Variants in GAB1 observed in about 807,000 individuals in gnomAD.
The protein encoded by GAB1 is GRB2-associated-binding protein 1.
In GAB1, 19 loss-of-function variants were observed where a neutral mutation model predicts 66.5. The observed-to-expected ratio is 0.29, with a 90% CI of 0.20 to 0.42. The LOEUF (loss-of-function observed/expected upper bound fraction) is 0.42. GAB1 is among the 10% of genes least tolerant of loss of function. GAB1 has a pLI of 1.00. For synonymous variants in GAB1, 294 were observed against 301.4 expected, an observed-to-expected ratio of 0.98 and a Z score of 0.25; for missense variants, 732 against 858.5, an observed-to-expected ratio of 0.85 and a Z score of 1.84.
intron 1 of GAB1, among the ~76,000 whole-genome samples, chr4:143,381,179 C>A (rs898672452): frequency 6.6e-6 from 1 of 152,176 alleles, no homozygotes; most frequent in South Asian, 2.1e-4. Context: ...AAGCAAGTTA[C>A]TGAAACCTTC....
intron 2 of GAB1, among the ~76,000 whole-genome samples, chr4:143,432,825 G>A (rs1035294060): frequency 2.6e-5 from 4 of 152,072 alleles, no homozygotes; most frequent in African/African-American, 9.7e-5. Flanking sequence ...ATAGTTAAGG[G>A]AATAATAAAT....
chr4:143,419,358 C>T (rs1020704527), intron 2 of GAB1, among the ~76,000 whole-genome samples: 23 of 152,036 alleles, frequency 1.5e-4, no homozygotes, highest in African/African-American at 5.3e-4. Flanking sequence ...CATAAGCGCT[C>T]TGCTAAAGAA....
intron 1 of GAB1, among the ~76,000 whole-genome samples, chr4:143,342,764 T>C (rs531531218): frequency 5.9e-5 from 9 of 151,776 alleles, no homozygotes; most frequent in African/African-American, 2.2e-4. Context: ...GGTTTTGCCA[T>C]GTTGGCCAGG....
intron 2 of GAB1, among the ~76,000 whole-genome samples, chr4:143,428,649 G>A (rs1042056979): frequency 1.3e-5 from 2 of 151,976 alleles, no homozygotes; most frequent in African/African-American, 4.8e-5. Context: ...GAATAAGCAG[G>A]GTAAGTTTAA....
chr4:143,413,925 G>A lies in GAB1; in HGVS notation c.73-1552G>A, dbSNP rs530807735. On this transcript the variant is annotated intron_variant, in intron 1 of 9. Coordinates refer to ENST00000262994, the MANE Select transcript of GAB1 (RefSeq NM_002039.4). ...GCAACTGCCAACTCCGGGTTCAAGC[G>A]ATTCTCCTGCCTCAGCCTCCTAAGT... Among the ~76,000 whole-genome samples, 150 of 146,876 alleles carry A rather than the reference G, an allele frequency of 1.0e-3. 1 individual carries two copies. Among genetic ancestry groups the A allele is most frequent in the African/African-American group, 3.7e-3 (144 of 39,236 alleles).
At chr4:143,378,925 G>A (rs1394316428) in intron 1 of GAB1, among the ~76,000 whole-genome samples, 1 of 152,126 alleles carries the variant, frequency 6.6e-6, no homozygotes, top group Non-Finnish European at 1.5e-5. Context: ...AGCCTCTCTG[G>A]AGAGACCATG....
At chr4:143,446,849 T>A (rs1419663325) in intron 6 of GAB1, among the ~76,000 whole-genome samples, 3 of 150,826 alleles carry the variant, frequency 2.0e-5, no homozygotes, top group African/African-American at 2.4e-5. Context: ...TTTTGGTGTT[T>A]TAGACATGAA....
At chr4:143,465,484 T>G (rs1236171978) in intron 8 of GAB1, among the ~76,000 whole-genome samples, 1 of 152,214 alleles carries the variant, frequency 6.6e-6, no homozygotes, top group East Asian at 1.9e-4. Context: ...GTAGTATTAT[T>G]GCTCTTATTA....
At chr4:143,358,316 G>A (rs1418683549) in intron 1 of GAB1, among the ~76,000 whole-genome samples, 1 of 152,082 alleles carries the variant, frequency 6.6e-6, no homozygotes, top group Non-Finnish European at 1.5e-5. Flanking sequence ...GTAACAGCCT[G>A]TTTAAAAGAC....
At chr4:143,379,138 C>G (rs566948603) in intron 1 of GAB1, among the ~76,000 whole-genome samples, 2 of 152,224 alleles carry the variant, frequency 1.3e-5, no homozygotes, top group Non-Finnish European at 2.9e-5. Flanking sequence ...GACTACAATT[C>G]AGAGTTATAT....
intron 1 of GAB1, among the ~76,000 whole-genome samples, chr4:143,347,914 C>T (rs1357477722): frequency 6.6e-6 from 1 of 152,194 alleles, no homozygotes; most frequent in Non-Finnish European, 1.5e-5. Flanking sequence ...TTGGCTCTTC[C>T]TCTTTTTCAC....
intron 1 of GAB1, among the ~76,000 whole-genome samples, chr4:143,359,507 T>A (rs1390881352): frequency 6.6e-6 from 1 of 152,196 alleles, no homozygotes; most frequent in Non-Finnish European, 1.5e-5. Context: ...TTCTAGTGGC[T>A]GCATGATACT....
chr4:143,348,699 G>A (rs185388111), intron 1 of GAB1, among the ~76,000 whole-genome samples: 4 of 152,286 alleles, frequency 2.6e-5, no homozygotes, highest in Admixed American at 2.0e-4. Flanking sequence ...GTTCTGCCGC[G>A]CTCTTTTGCT....
In GAB1 at chr4:143,337,144, C is replaced by T. The variant is rs1176790739; in HGVS notation, c.-45C>T. ...GCGTCGGCTGTGTCGGGAGCGCGCC[C>T]GCCGCCCCTCAGCTGCCCGGCCCGG... On this transcript the variant is annotated 5_prime_UTR_variant, in exon 1 of 10. Transcript: ENST00000262994. The T allele has an allele frequency of 2.0e-6, 3 of 1,532,122 alleles. No homozygotes were observed. Among genetic ancestry groups the T allele is most frequent in the Non-Finnish European group, 2.7e-6 (3 of 1,131,628 alleles). 94.9% of individuals were successfully genotyped at this position (1,532,122 alleles called of 1,614,324 possible).
chr4:143,460,388 C>T lies in GAB1; in HGVS notation c.1704C>T (p.Pro568=), dbSNP rs778529680. ...ARDSSRFPMS[P]RPDSVHSTTS... ...GCTCTTCCAGGTTTCCCATGTCCCC[C>T]CGACCAGATTCAGTGCATAGCACAA... Residue 568 remains proline (P), a synonymous_variant, in exon 8 of 10, where the codon CCC becomes CCT. Transcript: ENST00000262994. 3 of 1,613,590 alleles carry T rather than the reference C, an allele frequency of 1.9e-6. No homozygotes were observed. In the African/African-American group the frequency reaches 4.0e-5, roughly 22 times the overall value.
At chr4:143,353,388 G>A (rs1457097074) in intron 1 of GAB1, among the ~76,000 whole-genome samples, 3 of 152,280 alleles carry the variant, frequency 2.0e-5, no homozygotes, top group African/African-American at 7.2e-5. Context: ...TGTGTTAAAT[G>A]TATGTTTTCT....
rs1356992614 is a variant in GAB1, at chr4:143,470,623, G to GT, written c.*1440dup. On this transcript the variant is annotated 3_prime_UTR_variant, in exon 10 of 10. Transcript: ENST00000262994. ...CATAATTTAGAAAGCACGTATAGTT[G>GT]TTTTTTAACCAAGTTACATACAATC... 1.3e-5 allele frequency: 2 copies of GT among 152,196 alleles called. No homozygotes were observed. The highest frequency in any genetic ancestry group is 4.8e-5 in the African/African-American group (2 of 41,448). The allele number at this position is 152,196 out of a possible 1,614,324, so 9.4% of individuals were successfully genotyped here.
chr4:143,421,698 C>CTTTTTTTTTTTTTT (rs70953733), intron 2 of GAB1, among the ~76,000 whole-genome samples: 46 of 118,676 alleles, frequency 3.9e-4, no homozygotes, highest in South Asian at 8.8e-4. Flanking sequence ...CTTTTCTTTT[C>CTTTTTTTTTTTTTT]TTTTTTTTTT....
intron 2 of GAB1, among the ~76,000 whole-genome samples, chr4:143,419,885 A>T (rs547779512): frequency 3.3e-5 from 5 of 152,294 alleles, no homozygotes; most frequent in African/African-American, 9.6e-5. Context: ...AGCCAAAATC[A>T]TACTTTATTC....
Sources: gnomAD v4.1 joint callset for allele counts (sites outside exome capture counted in the v4.1 genomes callset) on GRCh38, gnomAD v4.1.1 for gene constraint, MANE v1.5 for transcripts, NCBI Gene and HGNC (gene_info 2026-07-23, HGNC 2026-07-21) for gene names.